MTHFD2L: variants seen among roughly 807,000 people sequenced by gnomAD.
MTHFD2L encodes methylenetetrahydrofolate dehydrogenase (NADP+ dependent) 2 like.
In MTHFD2L, 29 loss-of-function variants were observed where a neutral mutation model predicts 34.9. The ratio of observed to expected loss-of-function variants is 0.83; its 90% confidence interval spans 0.62 to 1.13. The LOEUF (loss-of-function observed/expected upper bound fraction) is 1.13, where lower values mean the gene tolerates loss of function less well. MTHFD2L is among the 50% of genes most tolerant of loss of function. The probability of loss-of-function intolerance (pLI) is 0.00; values close to 1 mark genes in which losing one functional copy is unlikely to be tolerated. For missense variants in MTHFD2L, 481 were observed against 446.5 expected (o/e 1.08, Z -0.70); for synonymous variants, 167 against 155.7 (o/e 1.07, Z -0.54).
At chr4:74,260,593 C>T (rs1459855213) in intron 6 of MTHFD2L, among the ~76,000 whole-genome samples, 1 of 151,786 alleles carries the variant, frequency 6.6e-6, no homozygotes, top group Non-Finnish European at 1.5e-5. Flanking sequence ...GTTTCAAGAT[C>T]ATTTCTATTG....
intron 7 of MTHFD2L, among the ~76,000 whole-genome samples, chr4:74,301,477 C>G (rs1237731595): frequency 1.3e-5 from 2 of 151,654 alleles, no homozygotes; most frequent in Admixed American, 6.6e-5. Flanking sequence ...CCATTTTGGT[C>G]TTTCTGTCCA....
chr4:74,121,366 A>T (rs925267449), upstream of MTHFD2L, among the ~76,000 whole-genome samples: 1 of 151,996 alleles, frequency 6.6e-6, no homozygotes, highest in Non-Finnish European at 1.5e-5. Flanking sequence ...AGATTGCCAC[A>T]AAAGTACTGA....
At chr4:74,202,991 T>C (rs1734703793) in intron 5 of MTHFD2L, among the ~76,000 whole-genome samples, 1 of 152,178 alleles carries the variant, frequency 6.6e-6, no homozygotes, top group Non-Finnish European at 1.5e-5. Context: ...AGGATCTTGA[T>C]TGACATGATA....
intron 3 of MTHFD2L, among the ~76,000 whole-genome samples, chr4:74,197,983 T>C (rs1195790250): frequency 4.6e-5 from 7 of 152,210 alleles, no homozygotes; most frequent in African/African-American, 2.4e-5. Context: ...TCTTCACTTT[T>C]TTCATCTACT....
At chr4:74,157,563 A>G, upstream of MTHFD2L, 1 of 412,908 alleles carries the variant, frequency 2.4e-6, no homozygotes, top group Non-Finnish European at 4.8e-6. Flanking sequence ...AAAAGTGGAG[A>G]TGATAAAGTA....
chr4:74,201,478 A>G lies in MTHFD2L; in HGVS notation c.712+108A>G, dbSNP rs538169428. On this transcript the variant is annotated intron_variant, in intron 5 of 7. Coordinates refer to ENST00000325278, the MANE Select transcript of MTHFD2L (RefSeq NM_001144978.3). ...GCTTATTATATTTGTGGGTTTATGC[A>G]GTTCAAAGTCTCCTTTATTCCTCAT... 8.0e-4 allele frequency: 545 copies of G among 679,156 alleles called. 5 individuals carry two copies. The highest frequency in any genetic ancestry group is 7.2e-3 in the South Asian group (251 of 34,842). 42.1% of individuals were successfully genotyped at this position (679,156 alleles called of 1,614,324 possible). A position where few individuals can be genotyped will look rare whatever the true frequency, so the allele number is the denominator to read the frequency against.
chr4:74,197,117 G>A (rs944259321), intron 3 of MTHFD2L, among the ~76,000 whole-genome samples: 1 of 152,058 alleles, frequency 6.6e-6, no homozygotes, highest in Admixed American at 6.6e-5. Context: ...TAAATAGAAG[G>A]GGGGAAAACA....
chr4:74,125,644 G>T lies in MTHFD2L; in HGVS notation c.-297+127G>T, dbSNP rs559770481. 2.6e-5 allele frequency: 4 copies of T among 151,648 alleles called. No homozygotes were observed. The South Asian group carries it at 8.3e-4, about 32-fold the overall frequency. 9.4% of individuals were successfully genotyped at this position (151,648 alleles called of 1,614,324 possible). ...GAATCTCACTTTTATTTATTTTTTT[G>T]CTTCTATTTAAAAGCTTTTTTTTCA... is the stretch of plus-strand genomic sequence containing the variant. On this transcript the variant is annotated intron_variant, in intron 1 of 7. Coordinates refer to the MTHFD2L transcript ENST00000433372.
At chr4:74,277,701 T>C (rs1746863181) in intron 6 of MTHFD2L, among the ~76,000 whole-genome samples, 1 of 152,156 alleles carries the variant, frequency 6.6e-6, no homozygotes, top group Non-Finnish European at 1.5e-5. Flanking sequence ...TCCTTTCTTC[T>C]CTCCAAAACC....
At chr4:74,203,874 T>G (rs767749486) in intron 5 of MTHFD2L, among the ~76,000 whole-genome samples, 1 of 143,400 alleles carries the variant, frequency 7.0e-6, no homozygotes, top group Non-Finnish European at 1.5e-5. Context: ...TCTTGGAAAA[T>G]TTTGACCAAG....
intron 7 of MTHFD2L, among the ~76,000 whole-genome samples, chr4:74,284,029 T>G (rs777339902): frequency 6.6e-6 from 1 of 152,126 alleles, no homozygotes; most frequent in Non-Finnish European, 1.5e-5. Flanking sequence ...GGTGAAAAGT[T>G]TCACTATAAC....
At chr4:74,220,409 A>C (rs1056620476) in intron 5 of MTHFD2L, among the ~76,000 whole-genome samples, 1 of 151,930 alleles carries the variant, frequency 6.6e-6, no homozygotes, top group African/African-American at 2.4e-5. Flanking sequence ...TTCCTTTTCA[A>C]AGTTTTCCTA....
chr4:74,184,524 C>T (rs1730779075), intron 3 of MTHFD2L, among the ~76,000 whole-genome samples: 2 of 151,766 alleles, frequency 1.3e-5, no homozygotes, highest in Non-Finnish European at 2.9e-5. Context: ...TTACATGAAC[C>T]AAAAGCTAAT....
chr4:74,116,336 G>T (rs1270815899), intron 2 of MTHFD2L, among the ~76,000 whole-genome samples: 1 of 151,974 alleles, frequency 6.6e-6, no homozygotes, highest in African/African-American at 2.4e-5. Flanking sequence ...AACTAAATTC[G>T]AGTACCCTCA....
rs1202388633 is a variant in MTHFD2L, at chr4:74,258,344, A to C, written c.806-23081A>C. ...AATCAACTTAGGCATTCATTGATGG[A>C]TGAATGTATAAAGAAAATATGAGAT... On this transcript the variant is annotated intron_variant, in intron 6 of 7. Transcript: ENST00000325278. Among the ~76,000 whole-genome samples the C allele has an allele frequency of 3.3e-5, 5 of 152,212 alleles. No individual in the cohort carries two copies. In the East Asian group the frequency reaches 5.8e-4, roughly 18 times the overall value.
rs1750052616 is a variant in MTHFD2L, at chr4:74,299,689, CA to C, written c.932-2006del. Among the ~76,000 whole-genome samples, 2 of 151,924 alleles carry C rather than the reference CA, an allele frequency of 1.3e-5. 1 individual carries two copies. Among genetic ancestry groups the C allele is most frequent in the South Asian group, 4.1e-4 (2 of 4,828 alleles). ...ATTGATTTTAGATTTTAAGTAAGGG[CA>C]ATTTAAGTTCACTTTCTCAAAATCT... On this transcript the variant is annotated intron_variant, in intron 7 of 7. Coordinates refer to ENST00000325278, the MANE Select transcript of MTHFD2L (RefSeq NM_001144978.3).
intron 3 of MTHFD2L, among the ~76,000 whole-genome samples, chr4:74,188,545 C>T (rs1731765581): frequency 6.6e-6 from 1 of 151,726 alleles, no homozygotes; most frequent in Non-Finnish European, 1.5e-5. Flanking sequence ...ATAATTCAGT[C>T]CATAACAAAT....
intron 1 of MTHFD2L, among the ~76,000 whole-genome samples, chr4:74,138,070 TAC>T (rs1366093100): frequency 6.6e-6 from 1 of 151,672 alleles, no homozygotes; most frequent in Non-Finnish European, 1.5e-5. Context: ...TATATATATA[TAC>T]ACATACACTT....
intron 1 of MTHFD2L, among the ~76,000 whole-genome samples, chr4:74,145,513 A>G (rs543242019): frequency 1.3e-5 from 2 of 152,334 alleles, no homozygotes; most frequent in Non-Finnish European, 2.9e-5. Flanking sequence ...AGGAAACTCT[A>G]TTTATTAGAG....
Sources: allele counts gnomAD v4.1 joint callset (sites outside exome capture counted in the v4.1 genomes callset), GRCh38; gene constraint gnomAD v4.1.1; transcripts MANE v1.5; gene names NCBI Gene and HGNC (gene_info 2026-07-23, HGNC 2026-07-21).